Variants in THSD7B observed in about 807,000 individuals in gnomAD.
The protein encoded by THSD7B is thrombospondin type 1 domain containing 7B.
In THSD7B, 138 loss-of-function variants were observed where a neutral mutation model predicts 213.6. The ratio of observed to expected loss-of-function variants is 0.65; its 90% CI spans 0.56 to 0.74. The LOEUF (loss-of-function observed/expected upper bound fraction) is 0.74, where lower values mean the gene tolerates loss of function less well. THSD7B is among the 30% of genes least tolerant of loss of function. The pLI is 0.00. For missense variants in THSD7B, 1,931 were observed against 1,991.5 expected (o/e 0.97, Z 0.58); for synonymous variants, 742 against 687.0 (o/e 1.08, Z -1.25).
intron 12 of THSD7B, among the ~76,000 whole-genome samples, chr2:137,360,287 C>A (rs1460420429): frequency 6.6e-6 from 1 of 152,132 alleles, no homozygotes; most frequent in African/African-American, 2.4e-5. Flanking sequence ...GTCTGCAGCT[C>A]TCAGTGTGAT....
At chr2:137,177,957 G>A (rs1157434167) in intron 7 of THSD7B, among the ~76,000 whole-genome samples, 1 of 151,652 alleles carries the variant, frequency 6.6e-6, no homozygotes, top group Non-Finnish European at 1.5e-5. Context: ...TGTAATCCCA[G>A]CTATTCGGGA....
Position 137,616,252 on chromosome 2 carries a change from A to G in THSD7B, c.3501A>G (p.Glu1167=). Reference sequence around the variant, plus strand: ...CACTGAACTCAAGGACTTGTGCTGAAGACTCACAGGTGCAGCCTTGCCTCC... The same window carrying G: ...CACTGAACTCAAGGACTTGTGCTGAGGACTCACAGGTGCAGCCTTGCCTCC... ...RPSLNSRTCA[E]DSQVQPCLLN... is the part of the protein sequence containing the mutation. The change falls in exon 18 of 28, where the codon GAA becomes GAG. Residue 1167 remains glutamate (E), a synonymous_variant. Transcript: ENST00000409968. 1 of 1,613,840 alleles carries G rather than the reference A, an allele frequency of 6.2e-7. No individual in the cohort carries two copies. The highest frequency in any genetic ancestry group is 8.5e-7 in the Non-Finnish European group (1 of 1,179,760).
At chr2:137,246,864 T>C (rs1403034758) in intron 10 of THSD7B, among the ~76,000 whole-genome samples, 3 of 152,270 alleles carry the variant, frequency 2.0e-5, no homozygotes, top group Non-Finnish European at 4.4e-5. Flanking sequence ...TAGCAACAGC[T>C]AGCTTATTGC....
intron 2 of THSD7B, among the ~76,000 whole-genome samples, chr2:137,011,284 T>G (rs1365784877): frequency 6.6e-6 from 1 of 152,202 alleles, no homozygotes; most frequent in East Asian, 1.9e-4. Flanking sequence ...ATTTGTTTCC[T>G]AAACATCCCC....
chr2:136,974,928 A>T (rs1338832270), intron 2 of THSD7B, among the ~76,000 whole-genome samples: 3 of 151,772 alleles, frequency 2.0e-5, no homozygotes, highest in Non-Finnish European at 4.4e-5. Flanking sequence ...TGTGGTTTTG[A>T]TTTACATTTC....
At chr2:137,271,135 G>C (rs1276101959) in intron 10 of THSD7B, among the ~76,000 whole-genome samples, 1 of 151,304 alleles carries the variant, frequency 6.6e-6, no homozygotes, top group Non-Finnish European at 1.5e-5. Flanking sequence ...TCTATTATTT[G>C]TACCAAACCT....
intron 12 of THSD7B, among the ~76,000 whole-genome samples, chr2:137,319,180 A>C (rs1226209645): frequency 3.3e-5 from 5 of 151,532 alleles, no homozygotes; most frequent in African/African-American, 1.2e-4. Context: ...TTTTGAAGAC[A>C]AAAAAAAGGG....
intron 2 of THSD7B, among the ~76,000 whole-genome samples, chr2:137,002,856 TCTTATA>T (rs1207392272): frequency 1.3e-5 from 2 of 152,190 alleles, no homozygotes; most frequent in African/African-American, 2.4e-5. Context: ...ACAGATTTTT[TCTTATA>T]CTTCTTATAC....
chr2:137,062,431 CA>C (rs1370726583), intron 3 of THSD7B, among the ~76,000 whole-genome samples: 4 of 151,590 alleles, frequency 2.6e-5, no homozygotes, highest in Non-Finnish European at 5.9e-5. Flanking sequence ...TTAGGTTACT[CA>C]TTTGAGATCT....
At chr2:137,484,768 C>T in intron 15 of THSD7B, among the ~76,000 whole-genome samples, 3 of 76,064 alleles carry the variant, frequency 3.9e-5, no homozygotes, top group Admixed American at 1.6e-4. Context: ...TCTCTGATGG[C>T]CAGTGATGGT....
chr2:137,478,361 G>T (rs1286272223), intron 15 of THSD7B, among the ~76,000 whole-genome samples: 2 of 152,054 alleles, frequency 1.3e-5, no homozygotes, highest in Non-Finnish European at 2.9e-5. Flanking sequence ...TGTTGTTGAA[G>T]ATTTCAGATG....
chr2:137,072,589 C>T lies in THSD7B; in HGVS notation c.950+15359C>T, dbSNP rs536378266. Among the ~76,000 whole-genome samples the T allele has an allele frequency of 1.7e-3, 266 of 152,190 alleles. 1 individual carries two copies. The highest frequency in any genetic ancestry group is 6.2e-3 in the African/African-American group (259 of 41,514). Reference sequence around the variant, plus strand: ...CTTCCTCTTTTCCTAATTGAATACCCTTTATTTCCTTCTCCTGCCTAATTG... The same window carrying T: ...CTTCCTCTTTTCCTAATTGAATACCTTTTATTTCCTTCTCCTGCCTAATTG... On this transcript the variant is annotated intron_variant, in intron 3 of 27. Coordinates refer to ENST00000409968, the MANE Select transcript of THSD7B (RefSeq NM_001316349.2).
intron 3 of THSD7B, among the ~76,000 whole-genome samples, chr2:137,063,667 C>T (rs542003267): frequency 1.3e-5 from 2 of 151,934 alleles, no homozygotes; most frequent in African/African-American, 2.4e-5. Flanking sequence ...CCATTTTCCC[C>T]AATCACCACT....
intron 1 of THSD7B, among the ~76,000 whole-genome samples, chr2:136,821,432 G>A (rs1175200360): frequency 1.3e-5 from 2 of 152,210 alleles, no homozygotes; most frequent in African/African-American, 4.8e-5. Flanking sequence ...GAATGTGTCT[G>A]CAGGGACTGG....
chr2:137,180,732 A>T (rs900018794), intron 7 of THSD7B, among the ~76,000 whole-genome samples: 1 of 152,198 alleles, frequency 6.6e-6, no homozygotes, highest in African/African-American at 2.4e-5. Context: ...AGGACTCCAA[A>T]CCAGTGCTTA....
chr2:137,385,464 T>C (rs946487616), intron 12 of THSD7B, among the ~76,000 whole-genome samples: 2 of 152,176 alleles, frequency 1.3e-5, no homozygotes, highest in South Asian at 4.1e-4. Context: ...GCTCCCCCAC[T>C]CAGTCCCCTG....
chr2:137,514,597 C>T (rs113484562), intron 15 of THSD7B, among the ~76,000 whole-genome samples: 3 of 152,014 alleles, frequency 2.0e-5, no homozygotes, highest in African/African-American at 7.2e-5. Flanking sequence ...GATTTTGGTA[C>T]CAAGAGTGGT....
chr2:137,598,438 A>G (rs1334831014), intron 17 of THSD7B, among the ~76,000 whole-genome samples: 1 of 152,202 alleles, frequency 6.6e-6, no homozygotes, highest in African/African-American at 2.4e-5. Flanking sequence ...AGATTCTGCC[A>G]TGTGTTCCAA....
chr2:136,919,773 G>A (rs1293603552), intron 2 of THSD7B, among the ~76,000 whole-genome samples: 2 of 152,186 alleles, frequency 1.3e-5, no homozygotes, highest in African/African-American at 4.8e-5. Flanking sequence ...TGAGCCAGGT[G>A]CAGAGGGGCA....
Sources: allele counts gnomAD v4.1 joint callset (sites outside exome capture counted in the v4.1 genomes callset), GRCh38; gene constraint gnomAD v4.1.1; transcripts MANE v1.5; gene names NCBI Gene and HGNC (gene_info 2026-07-23, HGNC 2026-07-21).